ZNF804A: variants seen among roughly 807,000 people sequenced by gnomAD.
ZNF804A encodes zinc finger protein 804A.
Under a neutral mutation model 16.5 loss-of-function variants are expected in ZNF804A, and 2 were observed. The observed-to-expected ratio is 0.12, with a 90% CI of 0.05 to 0.38. The LOEUF is 0.38. ZNF804A is among the 10% of genes least tolerant of loss of function. ZNF804A has a pLI of 0.99. For missense variants in ZNF804A, 1,473 were observed against 1,390.7 expected (o/e 1.06, Z -0.94); for synonymous variants, 534 against 489.6 (o/e 1.09, Z -1.20).
chr2:184,757,945 C>A (rs2105761886), intron 1 of ZNF804A, among the ~76,000 whole-genome samples: 1 of 152,018 alleles, frequency 6.6e-6, no homozygotes, highest in African/African-American at 2.4e-5. Context: ...CTTGAGAAAC[C>A]ATTTGAAGAT....
intron 1 of ZNF804A, among the ~76,000 whole-genome samples, chr2:184,844,381 T>C (rs1205766885): frequency 1.3e-5 from 2 of 152,106 alleles, no homozygotes; most frequent in Admixed American, 6.6e-5. Context: ...AAGCTTCTTT[T>C]AATAGTTTTT....
intron 1 of ZNF804A, among the ~76,000 whole-genome samples, chr2:184,689,747 G>A (rs1054029661): frequency 2.0e-5 from 3 of 151,904 alleles, no homozygotes; most frequent in Non-Finnish European, 4.4e-5. Flanking sequence ...CTCTTCAACA[G>A]GGCTGCCATA....
At chr2:184,826,624 T>C (rs1350144795) in intron 1 of ZNF804A, among the ~76,000 whole-genome samples, 1 of 152,128 alleles carries the variant, frequency 6.6e-6, no homozygotes, top group African/African-American at 2.4e-5. Flanking sequence ...AAGTTGGAAG[T>C]TTTATTTTTA....
At chr2:184,650,572 A>G (rs1691965529) in intron 1 of ZNF804A, among the ~76,000 whole-genome samples, 1 of 152,148 alleles carries the variant, frequency 6.6e-6, no homozygotes, top group Non-Finnish European at 1.5e-5. Context: ...TAAAGACTCC[A>G]CCAAAAAGCT....
chr2:184,801,696 AT>A (rs1048975221), intron 1 of ZNF804A, among the ~76,000 whole-genome samples: 7 of 152,004 alleles, frequency 4.6e-5, no homozygotes, highest in East Asian at 3.8e-4. Context: ...TTTGCATGTT[AT>A]TTTTTTGTCT....
chr2:184,887,912 G>C (rs1032127551), intron 2 of ZNF804A, among the ~76,000 whole-genome samples: 1 of 152,156 alleles, frequency 6.6e-6, no homozygotes, highest in African/African-American at 2.4e-5. Context: ...ATAAGTGGGA[G>C]CTAAACATTG....
intron 1 of ZNF804A, among the ~76,000 whole-genome samples, chr2:184,749,102 GT>G (rs1292961452): frequency 6.6e-6 from 1 of 151,196 alleles, no homozygotes; most frequent in African/African-American, 2.4e-5. Context: ...TTTTAGAATA[GT>G]TTTTTTCTAA....
chr2:184,928,402 C>T (rs1208628714), intron 2 of ZNF804A, among the ~76,000 whole-genome samples: 2 of 152,050 alleles, frequency 1.3e-5, no homozygotes, highest in Admixed American at 6.6e-5. Context: ...CCTCCTCTCC[C>T]CTCCCCTATC....
Position 184,937,856 on chromosome 2 carries a change from C to T in ZNF804A, c.2460C>T (p.His820=), listed in dbSNP as rs1470257578. 3.1e-6 allele frequency: 5 copies of T among 1,613,976 alleles called. No individual in the cohort carries two copies. In the African/African-American group the frequency reaches 5.3e-5, roughly 17 times the overall value. ...GGAGGCGAAAAAGAGGCAGATTCCACCCCGGATTTGAAACTTTAGAACTCA... is the reference window on the plus strand; with the variant it reads ...GGAGGCGAAAAAGAGGCAGATTCCATCCCGGATTTGAAACTTTAGAACTCA... ...KKRRRKRGRF[H]PGFETLELKE... The change falls in exon 4 of 4, where the codon CAC becomes CAT. Residue 820 remains histidine, a synonymous_variant. Transcript: ENST00000302277.
At chr2:184,690,890 T>C (rs1559127421) in intron 1 of ZNF804A, among the ~76,000 whole-genome samples, 1 of 152,036 alleles carries the variant, frequency 6.6e-6, no homozygotes, top group Non-Finnish European at 1.5e-5. Flanking sequence ...GGTATACAAA[T>C]AGATTCTACC....
At chr2:184,780,629 T>C (rs1453587611) in intron 1 of ZNF804A, among the ~76,000 whole-genome samples, 1 of 151,762 alleles carries the variant, frequency 6.6e-6, no homozygotes, top group Non-Finnish European at 1.5e-5. Flanking sequence ...AGGCAAACTC[T>C]GGGGCAAGGT....
chr2:184,752,787 A>G (rs1210476285), intron 1 of ZNF804A, among the ~76,000 whole-genome samples: 1 of 151,648 alleles, frequency 6.6e-6, no homozygotes, highest in Non-Finnish European at 1.5e-5. Flanking sequence ...ACATGATCCA[A>G]TTAAAAAATA....
In ZNF804A at chr2:184,779,806, C is replaced by T. The variant is rs1459552290; in HGVS notation, c.112-86563C>T. On this transcript the variant is annotated intron_variant, in intron 1 of 3. Transcript: ENST00000302277. ...ACCCTAATTTTATCCTGGTGAGATA[C>T]ATTTTGAACTTCTGACCTCTAGAGA... is the stretch of plus-strand genomic sequence containing the variant. Among the ~76,000 whole-genome samples the T allele has an allele frequency of 2.0e-5, 3 of 151,770 alleles. No homozygotes were observed. The South Asian group carries it at 6.2e-4, about 32-fold the overall frequency.
intron 2 of ZNF804A, among the ~76,000 whole-genome samples, chr2:184,911,335 G>C (rs181206692): frequency 6.6e-5 from 10 of 152,074 alleles, no homozygotes; most frequent in African/African-American, 2.2e-4. Context: ...CTATGTGTTT[G>C]TTTTTGTACC....
chr2:184,758,834 T>C (rs1297364195), intron 1 of ZNF804A, among the ~76,000 whole-genome samples: 1 of 151,952 alleles, frequency 6.6e-6, no homozygotes, highest in Non-Finnish European at 1.5e-5. Flanking sequence ...TTTAGTAAAA[T>C]TGAGAATTTT....
Position 184,604,146 on chromosome 2 carries a change from C to CTTTTTTT in ZNF804A, c.111+5111_111+5117dup, listed in dbSNP as rs759053144. ...TTCAGGTTATGGATGACTGCAATTACTTTTTTTTTTTTTTTTTTTTTTTTT... is the reference window on the plus strand; with the variant it reads ...TTCAGGTTATGGATGACTGCAATTACTTTTTTTTTTTTTTTTTTTTTTTTTTTTTTTT... On this transcript the variant is annotated intron_variant, in intron 1 of 3. Transcript: ENST00000302277. Among the ~76,000 whole-genome samples the CTTTTTTT allele has an allele frequency of 6.1e-3, 276 of 44,892 alleles. 87 individuals are homozygous for CTTTTTTT. The highest frequency in any genetic ancestry group is 8.4e-3 in the East Asian group (10 of 1,190). The allele number at this position is 44,892 out of a possible 152,430, so 29.5% of individuals were successfully genotyped here.
chr2:184,844,591 C>T lies in ZNF804A; in HGVS notation c.112-21778C>T, dbSNP rs1695486143. ...ATTGTAATTCTTATCCTTACTTCTC[C>T]ATAGGTAACACTTTTTTTTTTTCCT... is the stretch of plus-strand genomic sequence containing the variant. On this transcript the variant is annotated intron_variant, in intron 1 of 3. Transcript: ENST00000302277. 5.3e-5 allele frequency among the ~76,000 whole-genome samples: 8 copies of T among 151,288 alleles called. No individual in the cohort carries two copies. In the South Asian group the frequency reaches 1.7e-3, roughly 32 times the overall value.
chr2:184,781,743 T>C (rs1286510044), intron 1 of ZNF804A, among the ~76,000 whole-genome samples: 2 of 151,738 alleles, frequency 1.3e-5, no homozygotes, highest in African/African-American at 4.8e-5. Context: ...TTTTGCATCA[T>C]CTTTGTGCAA....
intron 2 of ZNF804A, among the ~76,000 whole-genome samples, chr2:184,894,321 T>G (rs1375786633): frequency 6.6e-6 from 1 of 152,162 alleles, no homozygotes; most frequent in Non-Finnish European, 1.5e-5. Context: ...TATACACCAA[T>G]TTATTAAATT....
Sources: allele counts gnomAD v4.1 joint callset (sites outside exome capture counted in the v4.1 genomes callset), GRCh38; gene constraint gnomAD v4.1.1; transcripts MANE v1.5; gene names NCBI Gene and HGNC (gene_info 2026-07-23, HGNC 2026-07-21).